RP1: variants seen among roughly 807,000 people sequenced by gnomAD.
RP1 encodes the protein oxygen-regulated protein 1.
A neutral mutation model predicts 14.8 loss-of-function variants in RP1; 16 were observed. The observed-to-expected ratio is 1.08, with a 90% CI of 0.73 to 1.65. RP1 has a LOEUF of 1.65. RP1 is among the 40% of genes most tolerant of loss of function. RP1 has a pLI of 0.00. For synonymous variants in RP1, 876 were observed against 883.6 expected (o/e 0.99, Z 0.15); for missense variants, 2,631 against 2,535.0 (o/e 1.04, Z -0.81).
chr8:54,726,472 T>C, exon 17 of RP1: 1 of 1,526,918 alleles, frequency 6.5e-7, no homozygotes, highest in Non-Finnish European at 8.7e-7. Flanking sequence ...CTTCTTCAAC[T>C]GCAAGTAAGC....
intron 23 of RP1, among the ~76,000 whole-genome samples, chr8:54,777,763 T>A (rs932660803): frequency 2.6e-5 from 4 of 152,184 alleles, no homozygotes; most frequent in African/African-American, 9.7e-5. Flanking sequence ...ATCTGTCTTG[T>A]TTACAGTATC....
chr8:54,812,519 A>C (rs944413423), intron 24 of RP1, among the ~76,000 whole-genome samples: 3 of 152,246 alleles, frequency 2.0e-5, no homozygotes, highest in Non-Finnish European at 2.9e-5. Context: ...ATATAGACTC[A>C]GTTCAGACAT....
At chr8:54,820,995 C>T (rs1213975459) in intron 24 of RP1, among the ~76,000 whole-genome samples, 1 of 151,932 alleles carries the variant, frequency 6.6e-6, no homozygotes, top group Non-Finnish European at 1.5e-5. Flanking sequence ...GGCTTAGAAA[C>T]AAAAACACAA....
chr8:54,607,972 C>T (rs1287975816), intron 1 of RP1, among the ~76,000 whole-genome samples: 3 of 152,062 alleles, frequency 2.0e-5, no homozygotes, highest in East Asian at 1.9e-4. Context: ...AAAGGGAATT[C>T]CCTGACCCCT....
At chr8:54,679,962 C>T (rs1807389262) in intron 12 of RP1, 1 of 1,531,442 alleles carries the variant, frequency 6.5e-7, no homozygotes, top group Non-Finnish European at 8.7e-7. Flanking sequence ...GCTTGTGGTG[C>T]TGGACAGGTC....
chr8:54,702,371 T>C lies in RP1; in HGVS notation c.1998+709T>C, dbSNP rs145133432. On this transcript the variant is annotated intron_variant, in intron 14 of 22. Transcript: ENST00000636932. ...AATAAAGCAGATTTCTCAATAAAGC[T>C]AGTCACACAAATTCCTGAGTTTTCC... Among the ~76,000 whole-genome samples, 484 of 152,322 alleles carry C rather than the reference T, an allele frequency of 3.2e-3. 2 individuals are homozygous for C. The highest frequency in any genetic ancestry group is 5.4e-3 in the Non-Finnish European group (370 of 68,034).
intron 16 of RP1, among the ~76,000 whole-genome samples, chr8:54,722,945 A>T (rs1253736577): frequency 6.6e-6 from 1 of 152,154 alleles, no homozygotes; most frequent in Non-Finnish European, 1.5e-5. Context: ...GCCTACAACG[A>T]GGGCAGTCTC....
At chr8:54,725,658 T>C (rs1350696514) in intron 16 of RP1, among the ~76,000 whole-genome samples, 2 of 152,214 alleles carry the variant, frequency 1.3e-5, no homozygotes, top group Non-Finnish European at 2.9e-5. Flanking sequence ...ATTTACATAA[T>C]TTTTTGTTGC....
intron 15 of RP1, among the ~76,000 whole-genome samples, chr8:54,715,885 G>C (rs1709082506): frequency 6.6e-6 from 1 of 152,194 alleles, no homozygotes; most frequent in Non-Finnish European, 1.5e-5. Context: ...AAGGGGAAAA[G>C]AAGAACGTAA....
chr8:54,816,725 C>T (rs1303729203), intron 24 of RP1, among the ~76,000 whole-genome samples: 1 of 152,168 alleles, frequency 6.6e-6, no homozygotes, highest in Non-Finnish European at 1.5e-5. Flanking sequence ...CTTTTAGAAA[C>T]ATAAACTGGA....
chr8:54,705,081 A>T (rs1050705416), intron 14 of RP1, among the ~76,000 whole-genome samples: 1 of 152,186 alleles, frequency 6.6e-6, no homozygotes, highest in African/African-American at 2.4e-5. Context: ...TACTCCTGTG[A>T]AAGTTAAGCC....
chr8:54,726,449 A>T, exon 17 of RP1: 1 of 1,534,834 alleles, frequency 6.5e-7, no homozygotes, highest in Non-Finnish European at 8.7e-7. Flanking sequence ...ATCTGAGGCT[A>T]GGAGTCCCTT....
intron 27 of RP1, among the ~76,000 whole-genome samples, chr8:54,859,334 C>A (rs1812284512): frequency 1.1e-5 from 1 of 93,528 alleles, no homozygotes; most frequent in Non-Finnish European, 2.2e-5. Context: ...GGTGGTGTCA[C>A]TGTAGGGTGG....
At chr8:54,727,789 TTAA>T (rs982700365) in intron 17 of RP1, among the ~76,000 whole-genome samples, 1 of 151,852 alleles carries the variant, frequency 6.6e-6, no homozygotes, top group Non-Finnish European at 1.5e-5. Flanking sequence ...CAGATAAACA[TTAA>T]ACAATCACAC....
At chr8:54,754,921 A>G (rs867697029) in exon 20 of RP1, 10 of 1,524,016 alleles carry the variant, frequency 6.6e-6, no homozygotes, top group East Asian at 2.5e-5. Context: ...AAAGGAGGAC[A>G]AGCTATTTTT....
chr8:54,616,679 A>G (rs1194563853), intron 1 of RP1, among the ~76,000 whole-genome samples: 3 of 152,260 alleles, frequency 2.0e-5, no homozygotes, highest in African/African-American at 7.2e-5. Flanking sequence ...AATTGCTAAA[A>G]GAATGAACAT....
At chr8:54,634,428 C>T (rs1563335019), downstream of RP1, among the ~76,000 whole-genome samples, 1 of 152,112 alleles carries the variant, frequency 6.6e-6, no homozygotes, top group East Asian at 1.9e-4. Flanking sequence ...GAATAGTTTG[C>T]ATTATCTGTG....
intron 1 of RP1, among the ~76,000 whole-genome samples, chr8:54,567,860 G>A (rs143110582): frequency 1.3e-5 from 2 of 152,170 alleles, no homozygotes; most frequent in Non-Finnish European, 2.9e-5. Context: ...GGGAGGTAGA[G>A]GGGGATTTGT....
At chr8:54,728,251 T>C (rs1014330864) in intron 17 of RP1, among the ~76,000 whole-genome samples, 2 of 152,162 alleles carry the variant, frequency 1.3e-5, no homozygotes, top group Non-Finnish European at 2.9e-5. Flanking sequence ...AGATCATGAT[T>C]CCCTTTAGTT....
Sources: gnomAD v4.1 joint callset for allele counts (sites outside exome capture counted in the v4.1 genomes callset) on GRCh38, gnomAD v4.1.1 for gene constraint, MANE v1.5 for transcripts, NCBI Gene and HGNC (gene_info 2026-07-23, HGNC 2026-07-21) for gene names.